Variants in PLB1 observed in about 807,000 individuals in gnomAD.
PLB1 encodes the protein phospholipase B1, also known as phospholipase B1, membrane-associated.
PLB1 carries 242 observed loss-of-function variants against 227.4 expected under a neutral mutation model. The observed-to-expected ratio is 1.06, with a 90% CI of 0.96 to 1.18. The LOEUF (loss-of-function observed/expected upper bound fraction) is 1.18. Ranked by LOEUF, PLB1 falls within the 50% of genes most tolerant of loss-of-function variation. The probability of loss-of-function intolerance (pLI) is 0.00; values close to 1 mark genes in which losing one functional copy is unlikely to be tolerated. For synonymous variants in PLB1, 757 were observed against 682.2 expected, an observed-to-expected ratio of 1.11 and a Z score of -1.71; for missense variants, 1,858 against 1,816.3, an observed-to-expected ratio of 1.02 and a Z score of -0.42.
Position 28,496,130 on chromosome 2 carries a change from G to A in PLB1, c.16G>A (p.Gly6Ser). The change falls in exon 1 of 58, where the codon GGC (glycine) becomes AGC (serine). Residue 6 changes from glycine (G) to serine (S), a missense_variant. Physicochemically the swap from Gly to Ser is moderately conservative, Grantham distance 56. Transcript: ENST00000327757. MGLRP[G>S]IFLLELLLLL... ...GCATTCTGGCATGGGGCTGCGGCCA[G>A]GCATTTTCCTCCTGGAGCTGCTGCT... 1.2e-6 allele frequency: 2 copies of A among 1,614,096 alleles called. No individual in the cohort carries two copies. Among genetic ancestry groups the A allele is most frequent in the Non-Finnish European group, 8.5e-7 (1 of 1,180,010 alleles).
intron 41 of PLB1, 53 bp downstream of exon 41, chr2:28,604,812 C>A: frequency 2.0e-6 from 3 of 1,492,804 alleles, no homozygotes; most frequent in Non-Finnish European, 2.8e-6. Flanking sequence ...AAATGCAAGG[C>A]AGAATTGCCA....
intron 56 of PLB1, among the ~76,000 whole-genome samples, chr2:28,634,207 T>C (rs1573588719): frequency 6.6e-6 from 1 of 152,308 alleles, no homozygotes; most frequent in Non-Finnish European, 1.5e-5. Flanking sequence ...AGAACTTCTA[T>C]TGTACTCTTT....
At position 28,620,981 on chromosome 2, in the gene PLB1, G is replaced by A; in HGVS notation, c.3527+3G>A. The A allele has an allele frequency of 1.2e-6, 2 of 1,607,868 alleles. No homozygotes were observed. The highest frequency in any genetic ancestry group is 2.2e-5 in the South Asian group (2 of 90,412). On this transcript the variant is annotated splice_donor_region_variant and intron_variant, in intron 49 of 57. Transcript: ENST00000327757. ...GCAGCGGAAGGGGCCAGAGCTAGGT[G>A]AGTAGATGCCGTACAGGAGGGCGAG...
chr2:28,602,795 C>T (rs1684109430), intron 38 of PLB1, 26 bp from the exon 39 acceptor site: 7 of 1,601,254 alleles, frequency 4.4e-6, no homozygotes, highest in South Asian at 3.3e-5. Context: ...CTGGAGCCCC[C>T]CTCTCATCTG....
rs1288547035 is a variant in PLB1 at position 28,579,669 on chromosome 2, A to T, written c.1528A>T (p.Ile510Leu). The change falls in exon 23 of 58, where the codon ATA becomes TTA. Residue 510 changes from isoleucine (I) to leucine (L), a missense_variant. Transcript: ENST00000327757. ...AGACTGGAAGATAATAACCCTGTTT[A>T]TAGGCGGCAATGACCTCTGTGATTT... ...QEDWKIITLF[I>L]GGNDLCDFCN... 1 of 1,613,430 alleles carries T rather than the reference A, an allele frequency of 6.2e-7. No individual in the cohort carries two copies. The highest frequency in any genetic ancestry group is 8.5e-7 in the Non-Finnish European group (1 of 1,179,544).
At chr2:28,510,064 C>A (rs1189320263) in intron 1 of PLB1, among the ~76,000 whole-genome samples, 1 of 152,174 alleles carries the variant, frequency 6.6e-6, no homozygotes, top group Non-Finnish European at 1.5e-5. Flanking sequence ...AAAACATGAA[C>A]TCCTGAGCAT....
intron 11 of PLB1, among the ~76,000 whole-genome samples, chr2:28,539,975 C>G (rs1344664193): frequency 4.7e-5 from 7 of 149,806 alleles, no homozygotes. Context: ...TTCCCTCCAT[C>G]CCATACCCAC....
chr2:28,634,083 A>G (rs971755843), intron 56 of PLB1, among the ~76,000 whole-genome samples: 1 of 152,154 alleles, frequency 6.6e-6, no homozygotes, highest in Non-Finnish European at 1.5e-5. Flanking sequence ...TTCTTTTAAG[A>G]ACAGCATGTA....
intron 20 of PLB1, among the ~76,000 whole-genome samples, chr2:28,569,965 CA>C (rs200866382): frequency 0.25 from 15,682 of 62,744 alleles, 1,306 homozygotes; most frequent in Admixed American, 0.42. Context: ...GACTCCATCT[CA>C]AAAAAAAAAA....
intron 20 of PLB1, among the ~76,000 whole-genome samples, chr2:28,567,523 G>C (rs1573021869): frequency 7.5e-6 from 1 of 134,082 alleles, no homozygotes; most frequent in Non-Finnish European, 1.5e-5. Context: ...CCAGGCTGGA[G>C]TGCAGAGTGG....
chr2:28,565,062 G>A (rs1676650798), intron 18 of PLB1, among the ~76,000 whole-genome samples: 2 of 152,206 alleles, frequency 1.3e-5, no homozygotes, highest in Non-Finnish European at 2.9e-5. Flanking sequence ...TTAGAATGAA[G>A]CAGAGCTGGG....
chr2:28,561,101 T>A (rs906009925), intron 17 of PLB1, among the ~76,000 whole-genome samples: 3 of 152,264 alleles, frequency 2.0e-5, no homozygotes, highest in Non-Finnish European at 4.4e-5. Context: ...CCTCCAGCTC[T>A]ATAGCTTCAC....
intron 2 of PLB1, 137 bp from the exon 3 acceptor site, chr2:28,518,329 G>T: frequency 1.4e-6 from 1 of 693,022 alleles, no homozygotes; most frequent in Non-Finnish European, 2.6e-6. Context: ...AGGAGAAAAT[G>T]ACTATGGGCA....
At position 28,582,127 on chromosome 2, in the gene PLB1, T is replaced by A. The variant is rs751462513; in HGVS notation, c.1626T>A (p.His542Gln). 20 of 1,613,686 alleles carry A rather than the reference T, an allele frequency of 1.2e-5. No individual in the cohort carries two copies. Among genetic ancestry groups the A allele is most frequent in the Non-Finnish European group, 9.3e-6 (11 of 1,179,700 alleles). The change falls in exon 24 of 58, where the codon CAT becomes CAA. Residue 542 changes from histidine to glutamine, a missense_variant. His to Gln is a conservative substitution (Grantham distance 24). Coordinates refer to ENST00000327757, the MANE Select transcript of PLB1 (RefSeq NM_153021.5). ...TTGGAAAGGCCCTGGACATCCTCCA[T>A]GCTGAGGTACGGAGGCTAGGCCATG... is the stretch of plus-strand genomic sequence containing the variant. The part of the protein sequence containing the change: ...DNIGKALDIL[H>Q]AEVPRAFVNL...
In PLB1 at chr2:28,582,389, G is replaced by C; in HGVS notation, c.1633-16G>C. 6.2e-7 allele frequency: 1 copy of C among 1,608,874 alleles called. No individual in the cohort carries two copies. On this transcript the variant is annotated splice_polypyrimidine_tract_variant and intron_variant, in intron 24 of 57. Coordinates refer to ENST00000327757, the MANE Select transcript of PLB1 (RefSeq NM_153021.5). ...CCAGCCTCATCCTCTTGGTGACTGA[G>C]TTTGCCTTTTCTCAGGTTCCTCGGG...
chr2:28,628,620 T>C lies in PLB1; in HGVS notation c.3718T>C (p.Ser1240Pro), dbSNP rs764265889. The change falls in exon 52 of 58, where the codon TCT becomes CCT. Residue 1240 changes from serine (S) to proline (P), a missense_variant. By Grantham distance (74) the Ser-to-Pro change is moderately conservative. Coordinates refer to ENST00000327757, the MANE Select transcript of PLB1 (RefSeq NM_153021.5). ...CATCCAACAGGCCCTGGACATCCTC[T>C]CTGAGGAGGTAGGAGAGGGGTTACG... ...QHIQQALDIL[S>P]EELPRAFVNV... The C allele has an allele frequency of 3.1e-6, 5 of 1,613,940 alleles. No individual in the cohort carries two copies. The Admixed American group carries it at 8.3e-5, about 27-fold the overall frequency.
chr2:28,630,885 G>T (rs753626322), intron 54 of PLB1, among the ~76,000 whole-genome samples: 4 of 152,142 alleles, frequency 2.6e-5, no homozygotes, highest in African/African-American at 9.7e-5. Flanking sequence ...TTCTCCCAGC[G>T]GGTAGGCAGC....
At position 28,598,697 on chromosome 2, in the gene PLB1, G is replaced by T. The variant is rs751476849; in HGVS notation, c.2411G>T (p.Gly804Val). The change falls in exon 35 of 58, where the codon GGC becomes GTC. Residue 804 changes from glycine (G) to valine (V), a missense_variant. Physicochemically the swap from Gly to Val is moderately radical, Grantham distance 109. Coordinates refer to ENST00000327757, the MANE Select transcript of PLB1 (RefSeq NM_153021.5). ...AGAAACCTCACAGGCTACGCCGTGG[G>T]CACGGGTGATGCCAATGACACGAAT... is the stretch of plus-strand genomic sequence containing the variant. ...FNRNLTGYAVGTGDANDTNAF... is the reference protein window; with the variant it reads ...FNRNLTGYAVVTGDANDTNAF... 10 of 1,614,224 alleles carry T rather than the reference G, an allele frequency of 6.2e-6. No homozygotes were observed. In the South Asian group the frequency reaches 1.1e-4, roughly 18 times the overall value.
chr2:28,522,765 C>G (rs1251271813), intron 4 of PLB1, among the ~76,000 whole-genome samples: 4 of 152,196 alleles, frequency 2.6e-5, no homozygotes, highest in African/African-American at 9.7e-5. Context: ...CCTCCCAGCC[C>G]CAGGATCATT....
Sources: gnomAD v4.1 joint callset for allele counts (sites outside exome capture counted in the v4.1 genomes callset) on GRCh38, gnomAD v4.1.1 for gene constraint, MANE v1.5 for transcripts, NCBI Gene and HGNC (gene_info 2026-07-23, HGNC 2026-07-21) for gene names.